The following LRP5 variants were observed in gnomAD, a reference collection of about 807,000 sequenced individuals.
LRP5 encodes low-density lipoprotein receptor-related protein 5.
Under a neutral mutation model 154.1 loss-of-function variants are expected in LRP5, and 62 were observed. The ratio of observed to expected loss-of-function variants is 0.40; its 90% CI spans 0.33 to 0.50. The LOEUF is 0.50. Ranked by LOEUF, LRP5 falls within the 20% of genes least tolerant of loss-of-function variation. The pLI, the probability that LRP5 is intolerant of heterozygous loss-of-function variation, is 0.55. For synonymous variants in LRP5, 966 were observed against 1,011.5 expected (o/e 0.96, Z 0.85); for missense variants, 1,915 against 2,336.7 (o/e 0.82, Z 3.72).
chr11:68,353,630 G>A lies in LRP5; in HGVS notation c.489-4020G>A, dbSNP rs77969692. Among the ~76,000 whole-genome samples the A allele has an allele frequency of 7.2e-3, 1,102 of 152,336 alleles. 11 individuals are homozygous for A. The highest frequency in any genetic ancestry group is 0.025 in the African/African-American group (1,029 of 41,566). On this transcript the variant is annotated intron_variant, in intron 2 of 22. Transcript: ENST00000294304. The surrounding 1 kb of genome is among the most constrained non-coding windows in gnomAD (Gnocchi z 4.5). ...CCTCTGTCCTGGCCACAGGCACACG[G>A]TTGCGAGGAGCATCTTGGCCTTCCT...
At chr11:68,427,184 G>A (rs547533777) in intron 16 of LRP5, among the ~76,000 whole-genome samples, 3 of 152,266 alleles carry the variant, frequency 2.0e-5, no homozygotes, top group Admixed American at 6.5e-5. Context: ...AGGTCATGAC[G>A]CCGTGCTGGG....
intron 5 of LRP5, among the ~76,000 whole-genome samples, chr11:68,377,795 C>G (rs1158854270): frequency 6.6e-6 from 1 of 152,190 alleles, no homozygotes; most frequent in Non-Finnish European, 1.5e-5. Context: ...GAGCTGGGAG[C>G]AGAGCTGGGG....
intron 8 of LRP5, chr11:68,404,469 C>A (rs2098654389): frequency 4.1e-6 from 2 of 493,720 alleles, no homozygotes; most frequent in African/African-American, 1.9e-5. Context: ...GATGTCAGAT[C>A]CCCGGCTTTA....
chr11:68,409,305 T>G (rs2098658065), intron 9 of LRP5, among the ~76,000 whole-genome samples: 1 of 143,338 alleles, frequency 7.0e-6, no homozygotes, highest in African/African-American at 2.6e-5. Context: ...TAATACATAC[T>G]TATAAGTATA....
rs1165690440 is a variant in LRP5, at chr11:68,409,333, AT to A, written c.2092-580del. ...TAAGTATATATTTAAAATATATGTAATGTATATTTTTTAATGTATGATATAT... is the reference window on the plus strand; with the variant it reads ...TAAGTATATATTTAAAATATATGTAAGTATATTTTTTAATGTATGATATAT... On this transcript the variant is annotated intron_variant, in intron 9 of 22. Transcript: ENST00000294304. Among the ~76,000 whole-genome samples, 6 of 145,096 alleles carry A rather than the reference AT, an allele frequency of 4.1e-5. No homozygotes were observed. In the East Asian group the frequency reaches 9.7e-4, roughly 24 times the overall value.
At position 68,448,891 on chromosome 11, in the gene LRP5, T is replaced by C. The variant is rs1445620341; in HGVS notation, c.4669T>C (p.Trp1557Arg). 5.6e-6 allele frequency: 9 copies of C among 1,613,602 alleles called. No homozygotes were observed. The highest frequency in any genetic ancestry group is 7.6e-6 in the Non-Finnish European group (9 of 1,180,008). ...TGACAGCGACTACAGCGCCAGCCGC[T>C]GGAAGGCCAGCAAGTACTACCTGGA... ...VCDSDYSASRWKASKYYLDLN... is the reference protein window; with the variant it reads ...VCDSDYSASRRKASKYYLDLN... The change falls in exon 23 of 23, where the codon TGG becomes CGG. Residue 1557 changes from tryptophan (W) to arginine (R), a missense_variant. By Grantham distance (101) the Trp-to-Arg change is moderately radical. Transcript: ENST00000294304.
intron 22 of LRP5, 62 bp downstream of exon 22, chr11:68,446,595 C>A: frequency 7.2e-7 from 1 of 1,395,782 alleles, no homozygotes; most frequent in Non-Finnish European, 1.0e-6. Flanking sequence ...GGTGGAGGGG[C>A]CTAATCCCCA....
Position 68,366,191 on chromosome 11 carries a change from G to A in LRP5, c.1015+489G>A, listed in dbSNP as rs139245088. ...GGGGCCTGGCAAGCGAGGGGGTAAC[G>A]AGAGGTGTCAGGAAAGCGCCATCCC... On this transcript the variant is annotated intron_variant, in intron 5 of 22. Transcript: ENST00000294304. 7.0e-3 allele frequency among the ~76,000 whole-genome samples: 1,071 copies of A among 152,290 alleles called. 12 individuals are homozygous for A. Among genetic ancestry groups the A allele is most frequent in the African/African-American group, 0.025 (1,027 of 41,554 alleles).
chr11:68,372,502 C>CCGTGGCGGCGAGGAGG (rs1565353676), intron 5 of LRP5, among the ~76,000 whole-genome samples: 31 of 151,988 alleles, frequency 2.0e-4, no homozygotes, highest in Admixed American at 3.3e-4. Flanking sequence ...AGACCGGGGA[C>CCGTGGCGGCGAGGAGG]TTGGAGCACC....
chr11:68,320,471 T>C (rs2098596115), intron 1 of LRP5, among the ~76,000 whole-genome samples: 1 of 151,300 alleles, frequency 6.6e-6, no homozygotes, highest in Admixed American at 6.6e-5. Context: ...TTTTTTTTTT[T>C]TTGAGACAGA....
intron 1 of LRP5, among the ~76,000 whole-genome samples, chr11:68,313,512 G>A (rs1334457910): frequency 1.3e-5 from 2 of 152,222 alleles, no homozygotes; most frequent in East Asian, 1.9e-4. Flanking sequence ...CTCCCGTGGG[G>A]AGAGGTAGGG....
chr11:68,312,525 T>G (rs1021148156), upstream of LRP5: 230 of 148,118 alleles, frequency 1.6e-3, no homozygotes, highest in Middle Eastern at 3.5e-3. Flanking sequence ...GGGGCGCGGG[T>G]GGCGGCGGCG....
chr11:68,378,818 G>T (rs1224054666), intron 5 of LRP5, among the ~76,000 whole-genome samples: 1 of 151,964 alleles, frequency 6.6e-6, no homozygotes, highest in Non-Finnish European at 1.5e-5. Context: ...TTGGGGTTGG[G>T]GGGTGGATCA....
intron 1 of LRP5, 43 bp downstream of exon 1, chr11:68,312,848 C>T: frequency 5.1e-6 from 5 of 982,864 alleles, no homozygotes; most frequent in Non-Finnish European, 6.1e-6. Flanking sequence ...GTTGCTCGGA[C>T]AATGGCCCGG....
intron 3 of LRP5, among the ~76,000 whole-genome samples, chr11:68,360,670 G>A (rs974343337): frequency 3.3e-5 from 5 of 152,348 alleles, no homozygotes; most frequent in Admixed American, 2.0e-4. Flanking sequence ...GGGAGCAACC[G>A]AGAGTGATGG....
chr11:68,334,745 C>A (rs1455406084), intron 1 of LRP5, among the ~76,000 whole-genome samples: 1 of 152,020 alleles, frequency 6.6e-6, no homozygotes, highest in Non-Finnish European at 1.5e-5. Context: ...TGTGGGGGCA[C>A]ACCTGTAATC....
chr11:68,389,662 A>G (rs2098645252), intron 6 of LRP5, among the ~76,000 whole-genome samples: 2 of 150,520 alleles, frequency 1.3e-5, no homozygotes, highest in Non-Finnish European at 1.5e-5. Context: ...ACTGGCATCT[A>G]CCGACACTGA....
chr11:68,351,254 G>A (rs1034888768), intron 2 of LRP5, among the ~76,000 whole-genome samples: 6 of 152,174 alleles, frequency 3.9e-5, no homozygotes, highest in East Asian at 1.9e-4. Context: ...GGAGCCCCTC[G>A]TATGCCCTCG....
intron 1 of LRP5, among the ~76,000 whole-genome samples, chr11:68,336,390 A>G (rs1007487540): frequency 6.6e-5 from 10 of 152,258 alleles, no homozygotes; most frequent in African/African-American, 2.2e-4. Flanking sequence ...CTGTAACTGT[A>G]GTCCCAAGTC....
Sources: gnomAD v4.1 joint callset for allele counts (sites outside exome capture counted in the v4.1 genomes callset) on GRCh38, gnomAD v4.1.1 for gene constraint, Gnocchi (gnomAD v3.1) non-coding constraint, MANE v1.5 for transcripts, NCBI Gene and HGNC (gene_info 2026-07-23, HGNC 2026-07-21) for gene names.